ENTREP2: variants seen among roughly 807,000 people sequenced by gnomAD.
ENTREP2 encodes protein ENTREP2.
At chr15:29,342,585 T>C in the ENTREP2 span, among the ~76,000 whole-genome samples, 1 of 152,156 alleles carries the variant, frequency 6.6e-6, no homozygotes, top group East Asian at 1.9e-4. Context: ...TGGGGGGGCA[T>C]TTTACACTCC....
chr15:29,581,949 T>TG, the ENTREP2 span, among the ~76,000 whole-genome samples: 37 of 151,728 alleles, frequency 2.4e-4, no homozygotes, highest in African/African-American at 8.7e-4. Flanking sequence ...CTGGTTTTTT[T>TG]TTTTTTTTTT....
chr15:29,198,372 C>T, the ENTREP2 span, among the ~76,000 whole-genome samples: 1 of 152,192 alleles, frequency 6.6e-6, no homozygotes, highest in Non-Finnish European at 1.5e-5. Context: ...CATGCACACA[C>T]AACATTACTA....
the ENTREP2 span, among the ~76,000 whole-genome samples, chr15:29,225,779 C>T: frequency 6.6e-6 from 1 of 152,230 alleles, no homozygotes; most frequent in South Asian, 2.1e-4. Context: ...CTCACCCCCA[C>T]CTTCCTGTTC....
At chr15:29,647,585 GGTATTT>G in the ENTREP2 span, among the ~76,000 whole-genome samples, 14 of 152,196 alleles carry the variant, frequency 9.2e-5, no homozygotes, top group African/African-American at 2.6e-4. Context: ...ATAGTCGATA[GGTATTT>G]TCTTTATTTA....
the ENTREP2 span, among the ~76,000 whole-genome samples, chr15:29,639,578 T>C: frequency 2.6e-5 from 4 of 151,990 alleles, no homozygotes; most frequent in Admixed American, 6.6e-5. Flanking sequence ...TAAATACTTA[T>C]AATAACAAAG....
At chr15:29,248,033 C>A in the ENTREP2 span, among the ~76,000 whole-genome samples, 1 of 152,184 alleles carries the variant, frequency 6.6e-6, no homozygotes, top group African/African-American at 2.4e-5. Context: ...ATTCAATAGG[C>A]CCCACTATCC....
chr15:29,577,130 A>G, the ENTREP2 span, among the ~76,000 whole-genome samples: 1 of 151,822 alleles, frequency 6.6e-6, no homozygotes, highest in Admixed American at 6.6e-5. Context: ...AAAAAAAAAA[A>G]GAAAGAAAGA....
the ENTREP2 span, among the ~76,000 whole-genome samples, chr15:29,190,922 C>A: frequency 3.3e-5 from 5 of 152,146 alleles, no homozygotes; most frequent in African/African-American, 9.7e-5. Flanking sequence ...TCCTTTGCTC[C>A]TTCTTTAGCT....
At chr15:29,393,149 G>T in the ENTREP2 span, among the ~76,000 whole-genome samples, 4 of 152,162 alleles carry the variant, frequency 2.6e-5, no homozygotes, top group Non-Finnish European at 5.9e-5. Flanking sequence ...ATCAAAGTTT[G>T]CCCTTTGTTG....
chr15:29,528,878 T>C, the ENTREP2 span, among the ~76,000 whole-genome samples: 3 of 152,154 alleles, frequency 2.0e-5, no homozygotes, highest in East Asian at 5.8e-4. Context: ...TCATAAAATT[T>C]TGTATATACA....
the ENTREP2 span, among the ~76,000 whole-genome samples, chr15:29,305,138 G>A: frequency 9.2e-5 from 14 of 152,302 alleles, no homozygotes; most frequent in South Asian, 2.9e-3. Flanking sequence ...GTTAATAGTT[G>A]AAAAGCACTC....
At chr15:29,176,675 G>A in the ENTREP2 span, among the ~76,000 whole-genome samples, 17 of 152,326 alleles carry the variant, frequency 1.1e-4, no homozygotes, top group Admixed American at 6.5e-4. Flanking sequence ...CCTGTTGGAC[G>A]GGGCAGCACC....
chr15:29,573,021 GTTT>G, the ENTREP2 span, among the ~76,000 whole-genome samples: 1 of 152,178 alleles, frequency 6.6e-6, no homozygotes, highest in African/African-American at 2.4e-5. Flanking sequence ...AATTGGGTGT[GTTT>G]GGGAGATGTT....
the ENTREP2 span, among the ~76,000 whole-genome samples, chr15:29,179,534 G>T: frequency 6.6e-6 from 1 of 152,134 alleles, no homozygotes; most frequent in African/African-American, 2.4e-5. Context: ...AGTCATCGGA[G>T]TCTGCGTGGT....
chr15:29,607,193 T>C, the ENTREP2 span, among the ~76,000 whole-genome samples: 1 of 152,200 alleles, frequency 6.6e-6, no homozygotes, highest in Non-Finnish European at 1.5e-5. Context: ...TAGCTCTTAG[T>C]ACTTCCTCTG....
the ENTREP2 span, among the ~76,000 whole-genome samples, chr15:29,129,968 G>A: frequency 6.6e-6 from 1 of 152,162 alleles, no homozygotes; most frequent in Non-Finnish European, 1.5e-5. Context: ...GAAGGTGAGG[G>A]GGGCTCCTGC....
At chr15:29,419,474 A>C in the ENTREP2 span, among the ~76,000 whole-genome samples, 8 of 152,324 alleles carry the variant, frequency 5.3e-5, no homozygotes, top group South Asian at 1.7e-3. Flanking sequence ...TAAGAGGATT[A>C]GAGAGACACA....
chr15:29,128,974 G>T, the ENTREP2 span: 1 of 671,074 alleles, frequency 1.5e-6, no homozygotes, highest in Non-Finnish European at 2.5e-6. Context: ...AGCGCTGAGA[G>T]ACGTTCATCC....
At chr15:29,476,440 G>A in the ENTREP2 span, among the ~76,000 whole-genome samples, 5 of 152,138 alleles carry the variant, frequency 3.3e-5, no homozygotes, top group South Asian at 2.1e-4. Context: ...TAGAATGCCC[G>A]TTCACCAAAC....
Sources: gnomAD v4.1 joint callset for allele counts (sites outside exome capture counted in the v4.1 genomes callset) on GRCh38, gnomAD v4.1.1 for gene constraint, MANE v1.5 for transcripts, NCBI Gene and HGNC (gene_info 2026-07-23, HGNC 2026-07-21) for gene names.